The following SNTG2 variants were observed in gnomAD, a reference collection of about 807,000 sequenced individuals.
The protein encoded by SNTG2 is gamma-2-syntrophin.
Under a neutral mutation model 70.9 loss-of-function variants are expected in SNTG2, and 74 were observed. The ratio of observed to expected loss-of-function variants is 1.04; its 90% CI spans 0.86 to 1.27. The LOEUF (loss-of-function observed/expected upper bound fraction) is 1.27, where lower values mean the gene tolerates loss of function less well. SNTG2 is among the 50% of genes most tolerant of loss of function. The pLI is 0.00. For synonymous variants in SNTG2, 278 were observed against 273.8 expected (o/e 1.02, Z -0.15); for missense variants, 717 against 690.7 (o/e 1.04, Z -0.43).
rs577937406 is a variant in SNTG2 at position 1,280,214 on chromosome 2, G to T, written c.1284+12643G>T. On this transcript the variant is annotated intron_variant, in intron 14 of 16. Transcript: ENST00000308624. ...ATCAAGAGAACCTAAGAGAAAGTCA[G>T]GTGAAATATTGAATAACATTAGATT... Among the ~76,000 whole-genome samples, 13 of 152,198 alleles carry T rather than the reference G, an allele frequency of 8.5e-5. No homozygotes were observed. The South Asian group carries it at 2.3e-3, about 27-fold the overall frequency.
chr2:1,243,038 G>A (rs1321362095), intron 11 of SNTG2, among the ~76,000 whole-genome samples: 1 of 152,168 alleles, frequency 6.6e-6, no homozygotes, highest in Non-Finnish European at 1.5e-5. Flanking sequence ...GATTCAGAAA[G>A]CATCCGATGT....
At chr2:961,630 G>A (rs1660354596) in intron 1 of SNTG2, among the ~76,000 whole-genome samples, 1 of 152,172 alleles carries the variant, frequency 6.6e-6, no homozygotes, top group African/African-American at 2.4e-5. Context: ...CTTATGTTGT[G>A]TCTGTTGTTT....
intron 6 of SNTG2, among the ~76,000 whole-genome samples, chr2:1,149,089 G>C (rs1162538014): frequency 6.6e-6 from 1 of 152,206 alleles, no homozygotes; most frequent in African/African-American, 2.4e-5. Flanking sequence ...ACATGAGTTT[G>C]GAAAGCAAAG....
chr2:1,251,235 C>T (rs1185346644), intron 12 of SNTG2, among the ~76,000 whole-genome samples: 2 of 152,202 alleles, frequency 1.3e-5, no homozygotes, highest in African/African-American at 4.8e-5. Context: ...CCAAAATGGT[C>T]ATTGACAGTT....
chr2:1,259,407 A>G lies in SNTG2; in HGVS notation c.1043A>G (p.Tyr348Cys), dbSNP rs780181838. Reference protein sequence around the residue: ...TFDWVRAERTYHLCEVLFKVH... With the variant: ...TFDWVRAERTCHLCEVLFKVH... ...GATTGGGTGCGAGCAGAAAGGACCT[A>G]TCACCTCTGTGAGGTGCTATTTAAA... is the stretch of plus-strand genomic sequence containing the variant. The change falls in exon 13 of 17, where the codon TAT becomes TGT. Residue 348 changes from tyrosine to cysteine, a missense_variant. Coordinates refer to ENST00000308624, the MANE Select transcript of SNTG2 (RefSeq NM_018968.4). 10 of 1,614,032 alleles carry G rather than the reference A, an allele frequency of 6.2e-6. No homozygotes were observed. Among genetic ancestry groups the G allele is most frequent in the South Asian group, 3.3e-5 (3 of 91,082 alleles).
chr2:1,038,360 A>G (rs1452109936), intron 1 of SNTG2, among the ~76,000 whole-genome samples: 2 of 152,236 alleles, frequency 1.3e-5, no homozygotes, highest in East Asian at 1.9e-4. Flanking sequence ...TGGCAAAAAT[A>G]AAGCCCACAG....
rs752376708 is a variant in SNTG2, at chr2:1,308,594, G to A, written c.1377+8G>A. On this transcript the variant is annotated splice_region_variant and intron_variant, in intron 15 of 16. Coordinates refer to ENST00000308624, the MANE Select transcript of SNTG2 (RefSeq NM_018968.4). ...TTTGAGAGTAAGACCAAGGTAAGAG[G>A]CCAAGCAGGCATCCATGCCGCCCCA... 2 of 1,549,550 alleles carry A rather than the reference G, an allele frequency of 1.3e-6. No individual in the cohort carries two copies. Among genetic ancestry groups the A allele is most frequent in the Non-Finnish European group, 8.7e-7 (1 of 1,145,044 alleles).
At chr2:1,125,647 T>G (rs867341098) in intron 4 of SNTG2, among the ~76,000 whole-genome samples, 1 of 147,372 alleles carries the variant, frequency 6.8e-6, no homozygotes, top group African/African-American at 2.7e-5. Context: ...TTCTTAAAGA[T>G]TTACAATTAA....
chr2:1,078,241 C>T (rs748117902), intron 1 of SNTG2, among the ~76,000 whole-genome samples: 17 of 152,294 alleles, frequency 1.1e-4, no homozygotes, highest in African/African-American at 1.7e-4. Flanking sequence ...TAGAGAGGAC[C>T]CTTCCATCAT....
intron 16 of SNTG2, among the ~76,000 whole-genome samples, chr2:1,323,463 A>AC (rs1681619495): frequency 8.8e-6 from 1 of 113,004 alleles, no homozygotes; most frequent in African/African-American, 3.1e-5. Context: ...CATGCCTGAG[A>AC]CCCCCCAGTA....
intron 16 of SNTG2, among the ~76,000 whole-genome samples, chr2:1,319,553 G>A (rs529719168): frequency 2.0e-5 from 3 of 152,290 alleles, no homozygotes; most frequent in Admixed American, 2.0e-4. Context: ...CAGAGGTAGG[G>A]ACCTCACAAG....
intron 16 of SNTG2, among the ~76,000 whole-genome samples, chr2:1,350,707 G>GA (rs1354486057): frequency 6.6e-6 from 1 of 152,024 alleles, no homozygotes; most frequent in African/African-American, 2.4e-5. Context: ...TATTAAATGA[G>GA]AAAATAGAAG....
At chr2:1,195,412 A>G (rs530417959) in intron 8 of SNTG2, among the ~76,000 whole-genome samples, 2 of 152,296 alleles carry the variant, frequency 1.3e-5, no homozygotes, top group South Asian at 4.1e-4. Flanking sequence ...AATGATCGCC[A>G]TTCCAACTGA....
intron 1 of SNTG2, among the ~76,000 whole-genome samples, chr2:1,082,929 A>G (rs1664430338): frequency 6.6e-6 from 1 of 152,146 alleles, no homozygotes; most frequent in South Asian, 2.1e-4. Context: ...CTTCCTAGCA[A>G]TTCCACATTG....
chr2:1,216,152 C>T (rs2148010513), intron 9 of SNTG2, among the ~76,000 whole-genome samples: 1 of 152,322 alleles, frequency 6.6e-6, no homozygotes, highest in East Asian at 1.9e-4. Flanking sequence ...AATGGTTGAA[C>T]TAGTTTACAG....
intron 6 of SNTG2, among the ~76,000 whole-genome samples, chr2:1,149,603 T>C (rs1372930808): frequency 1.3e-5 from 2 of 152,012 alleles, no homozygotes; most frequent in South Asian, 2.1e-4. Context: ...CTATCCACCA[T>C]GTCTTTTCTA....
At chr2:1,348,546 A>G (rs1418065449) in intron 16 of SNTG2, among the ~76,000 whole-genome samples, 3 of 152,244 alleles carry the variant, frequency 2.0e-5, no homozygotes, top group African/African-American at 7.2e-5. Context: ...ATTGTCAACA[A>G]GAAAATTTTT....
Position 1,031,529 on chromosome 2 carries a change from T to TATATATATA in SNTG2, c.73-51989_73-51988insATATATATA, listed in dbSNP as rs372970926. ...ATTGTTATATATATATATATATATATTTTTTTTTTTTTTTTTTTTGAGGCG... is the reference window on the plus strand; with the variant it reads ...ATTGTTATATATATATATATATATATATATATATATTTTTTTTTTTTTTTTTTTGAGGCG... On this transcript the variant is annotated intron_variant, in intron 1 of 16. Transcript: ENST00000308624. Among the ~76,000 whole-genome samples, 316 of 42,482 alleles carry TATATATATA rather than the reference T, an allele frequency of 7.4e-3. 1 individual carries two copies. Among genetic ancestry groups the TATATATATA allele is most frequent in the African/African-American group, 0.035 (304 of 8,694 alleles). 27.9% of individuals were successfully genotyped at this position (42,482 alleles called of 152,430 possible). A position where few individuals can be genotyped will look rare whatever the true frequency, so the allele number is the denominator to read the frequency against.
chr2:1,342,749 A>T (rs1660187676), intron 16 of SNTG2, among the ~76,000 whole-genome samples: 1 of 16,844 alleles, frequency 5.9e-5, no homozygotes, highest in East Asian at 7.1e-4. Flanking sequence ...GGACAGCAGC[A>T]GCTTCCTCTC....
Sources: gnomAD v4.1 joint callset for allele counts (sites outside exome capture counted in the v4.1 genomes callset) on GRCh38, gnomAD v4.1.1 for gene constraint, MANE v1.5 for transcripts, NCBI Gene and HGNC (gene_info 2026-07-23, HGNC 2026-07-21) for gene names.